The following ANKRD46 variants were observed in gnomAD, a reference collection of about 807,000 sequenced individuals.
ANKRD46 encodes the protein ankyrin repeat domain-containing protein 46.
ANKRD46 carries 13 observed loss-of-function variants against 19.8 expected under a neutral mutation model. The ratio of observed to expected loss-of-function variants is 0.66; its 90% CI spans 0.43 to 1.04. The LOEUF (loss-of-function observed/expected upper bound fraction) is 1.04. Among genes scored for constraint, ANKRD46 ranks in the 50% least tolerant of loss-of-function variants. ANKRD46 has a pLI of 0.00. For synonymous variants in ANKRD46, 91 were observed against 106.9 expected (o/e 0.85, Z 0.92); for missense variants, 185 against 274.8 (o/e 0.67, Z 2.31).
At chr8:100,518,961 T>G (rs1811679175), downstream of ANKRD46, among the ~76,000 whole-genome samples, 1 of 152,244 alleles carries the variant, frequency 6.6e-6, no homozygotes, top group Non-Finnish European at 1.5e-5. Flanking sequence ...TTGTTTGTTT[T>G]CTAAACACAC....
At position 100,557,158 on chromosome 8, in the gene ANKRD46, G is replaced by C. The variant is rs1812519070; in HGVS notation, c.-131+2553C>G. ...CTTCCCAAATTTCTATTTCCAGTTG[G>C]ACCTTTCTCTTCAACTCCCGTCTCT... On this transcript the variant is annotated intron_variant, in intron 1 of 4. Coordinates refer to ENST00000335659, the MANE Select transcript of ANKRD46 (RefSeq NM_001270377.2). This position sits in a 1 kb window ranked among gnomAD's most constrained non-coding sequence, Gnocchi z 5.9. 6.6e-6 allele frequency among the ~76,000 whole-genome samples: 1 copy of C among 152,072 alleles called. No individual in the cohort carries two copies. Among genetic ancestry groups the C allele is most frequent in the South Asian group, 2.1e-4 (1 of 4,826 alleles).
intron 5 of ANKRD46, among the ~76,000 whole-genome samples, chr8:100,515,365 G>C (rs1300740323): frequency 6.6e-6 from 1 of 152,084 alleles, no homozygotes; most frequent in African/African-American, 2.4e-5. Context: ...GCTTTACAGA[G>C]AAAGTGCATT....
chr8:100,515,539 G>C (rs1811615926), intron 5 of ANKRD46, among the ~76,000 whole-genome samples: 1 of 151,980 alleles, frequency 6.6e-6, no homozygotes, highest in African/African-American at 2.4e-5. Context: ...GAAAAGATCA[G>C]TCTGTATTTG....
In ANKRD46 at chr8:100,521,987, A is replaced by G; in HGVS notation, c.*568T>C. 4.1e-6 allele frequency: 4 copies of G among 984,430 alleles called. No individual in the cohort carries two copies. The highest frequency in any genetic ancestry group is 4.8e-6 in the Non-Finnish European group (4 of 828,988). 61.0% of individuals were successfully genotyped at this position (984,430 alleles called of 1,614,324 possible). On this transcript the variant is annotated 3_prime_UTR_variant, in exon 5 of 5. Coordinates refer to ENST00000335659, the MANE Select transcript of ANKRD46 (RefSeq NM_001270377.2). ...GAACAAAATATAGCTCATTTTCAAA[A>G]GTTTTGTTTGGTTTGTGACTAGACT...
At chr8:100,523,255 T>C (rs1811771222) in intron 4 of ANKRD46, among the ~76,000 whole-genome samples, 2 of 152,084 alleles carry the variant, frequency 1.3e-5, no homozygotes, top group Non-Finnish European at 2.9e-5. Flanking sequence ...CTTGTTATGT[T>C]AAATTTAGAA....
chr8:100,539,121 T>C (rs924226787), intron 1 of ANKRD46, among the ~76,000 whole-genome samples: 1 of 152,368 alleles, frequency 6.6e-6, no homozygotes, highest in African/African-American at 2.4e-5. Flanking sequence ...CTTTCTTTGC[T>C]CACTGCAAAA....
At position 100,550,278 on chromosome 8, in the gene ANKRD46, T is replaced by TA. The variant is rs1812357723; in HGVS notation, c.-131+9432dup. Among the ~76,000 whole-genome samples, 1 of 152,232 alleles carries TA rather than the reference T, an allele frequency of 6.6e-6. No homozygotes were observed. Among genetic ancestry groups the TA allele is most frequent in the African/African-American group, 2.4e-5 (1 of 41,466 alleles). On this transcript the variant is annotated intron_variant, in intron 1 of 4. Transcript: ENST00000335659. The surrounding 1 kb of genome is among the most constrained non-coding windows in gnomAD (Gnocchi z 4.4). ...TAGCTGTACCATTTGGCATTCCCAC[T>TA]AGCAATGAATAAGAGTTCCTGTTAA...
Position 100,521,499 on chromosome 8 carries a change from T to C in ANKRD46, c.*1056A>G. The C allele has an allele frequency of 2.0e-6, 2 of 985,462 alleles. No homozygotes were observed. The highest frequency in any genetic ancestry group is 2.4e-6 in the Non-Finnish European group (2 of 829,940). 61.0% of individuals were successfully genotyped at this position (985,462 alleles called of 1,614,324 possible). A position where few individuals can be genotyped will look rare whatever the true frequency, so the allele number is the denominator to read the frequency against. ...ATTTCAATTTACATAATATTACCAT[T>C]CATAAAGAGTTTATGACACCCAGTA... On this transcript the variant is annotated 3_prime_UTR_variant, in exon 5 of 5. Coordinates refer to ENST00000335659, the MANE Select transcript of ANKRD46 (RefSeq NM_001270377.2).
At position 100,521,363 on chromosome 8, in the gene ANKRD46, C is replaced by T. The variant is rs1332117202; in HGVS notation, c.*1192G>A. The stretch of plus-strand genomic sequence containing the variant: ...TTTACCCAATAAATAATTATCAAGC[C>T]TTCATATTCTTTTTTAACCACTCAA... On this transcript the variant is annotated 3_prime_UTR_variant, in exon 5 of 5. Transcript: ENST00000335659. 8.1e-6 allele frequency: 8 copies of T among 985,104 alleles called. No individual in the cohort carries two copies. The highest frequency in any genetic ancestry group is 9.6e-6 in the Non-Finnish European group (8 of 829,876). 61.0% of individuals were successfully genotyped at this position (985,104 alleles called of 1,614,324 possible). A position where few individuals can be genotyped will look rare whatever the true frequency, so the allele number is the denominator to read the frequency against.
chr8:100,528,517 CTTTTTTT>C (rs775087189), intron 3 of ANKRD46, among the ~76,000 whole-genome samples: 2 of 126,408 alleles, frequency 1.6e-5, no homozygotes, highest in Admixed American at 8.0e-5. Context: ...CCTTGTTTTT[CTTTTTTT>C]TTTTTTTTTT....
chr8:100,525,360 C>A lies in ANKRD46; in HGVS notation c.470+2485G>T, dbSNP rs1445509492. ...AACCATCTCTTCTAATTCCAGTACACTTTCAGCACCTCTATAAGAAACTCT... is the reference window on the plus strand; with the variant it reads ...AACCATCTCTTCTAATTCCAGTACAATTTCAGCACCTCTATAAGAAACTCT... On this transcript the variant is annotated intron_variant, in intron 4 of 4. Transcript: ENST00000335659. This position sits in a 1 kb window ranked among gnomAD's most constrained non-coding sequence, Gnocchi z 4.4. 6.6e-6 allele frequency among the ~76,000 whole-genome samples: 1 copy of A among 152,232 alleles called. No individual in the cohort carries two copies. Among genetic ancestry groups the A allele is most frequent in the East Asian group, 1.9e-4 (1 of 5,200 alleles).
chr8:100,543,377 G>C lies in ANKRD46; in HGVS notation c.-130-10066C>G, dbSNP rs1040665082. Among the ~76,000 whole-genome samples the C allele has an allele frequency of 1.3e-5, 2 of 152,056 alleles. No homozygotes were observed. The highest frequency in any genetic ancestry group is 4.8e-5 in the African/African-American group (2 of 41,396). On this transcript the variant is annotated intron_variant, in intron 1 of 4. Coordinates refer to ENST00000335659, the MANE Select transcript of ANKRD46 (RefSeq NM_001270377.2). The surrounding 1 kb of genome is among the most constrained non-coding windows in gnomAD (Gnocchi z 4.2). ...CTATAACAAATACTAAGGAAACTGG[G>C]AATAAAATGGTAAATTTCTTTATAT...
chr8:100,556,997 T>C (rs914206424), intron 1 of ANKRD46: 1 of 152,164 alleles, frequency 6.6e-6, no homozygotes, highest in African/African-American at 2.4e-5. Context: ...TCTTTTGGCT[T>C]TCCTGGGCCA....
chr8:100,552,462 GT>G (rs1162462677), intron 1 of ANKRD46, among the ~76,000 whole-genome samples: 1 of 151,470 alleles, frequency 6.6e-6, no homozygotes, highest in African/African-American at 2.4e-5. Flanking sequence ...TCAACTATGT[GT>G]TTTTAATTTC....
Position 100,510,478 on chromosome 8 carries a change from G to C in ANKRD46, c.*99C>G. 5.1e-6 allele frequency: 6 copies of C among 1,167,554 alleles called. No individual in the cohort carries two copies. The highest frequency in any genetic ancestry group is 1.5e-5 in the African/African-American group (1 of 64,896). 72.3% of individuals were successfully genotyped at this position (1,167,554 alleles called of 1,614,324 possible). On this transcript the variant is annotated 3_prime_UTR_variant, in exon 6 of 6. Coordinates refer to the ANKRD46 transcript ENST00000520552. This position sits in a 1 kb window ranked among gnomAD's most constrained non-coding sequence, Gnocchi z 4.9. ...TTTGAGATGATGCTCCATGACACAA[G>C]TCGTGACGGAAACAGCCCCACCCAA...
chr8:100,519,341 T>A (rs1433527853), downstream of ANKRD46, among the ~76,000 whole-genome samples: 1 of 152,152 alleles, frequency 6.6e-6, no homozygotes, highest in East Asian at 1.9e-4. Context: ...GGATGTGATG[T>A]CTAAAAATTC....
exon 6 of ANKRD46, chr8:100,509,999 T>C (rs1305695591): frequency 6.6e-6 from 1 of 152,382 alleles, no homozygotes; most frequent in African/African-American, 2.4e-5. Context: ...CCGGTGGCCA[T>C]GGGTGGGAGT....
chr8:100,520,741 T>TAAAAAAAAAAAAAAAAAA (rs5893523), downstream of ANKRD46: 21 of 677,882 alleles, frequency 3.1e-5, no homozygotes, highest in African/African-American at 1.4e-4. Flanking sequence ...TATAATACAC[T>TAAAAAAAAAAAAAAAAAA]AAAAAAAAAA....
Position 100,550,927 on chromosome 8 carries a change from C to A in ANKRD46, c.-131+8784G>T. The A allele has an allele frequency of 3.3e-6, 2 of 601,560 alleles. No homozygotes were observed. Among genetic ancestry groups the A allele is most frequent in the Non-Finnish European group, 3.1e-6 (1 of 325,294 alleles). The allele number at this position is 601,560 out of a possible 1,614,324, so 37.3% of individuals were successfully genotyped here. A position where few individuals can be genotyped will look rare whatever the true frequency, so the allele number is the denominator to read the frequency against. ...AAGATGCCCTTGAGGGGCCCTCTGA[C>A]GCCTGCTTCACCACCTTTTTGATGT... is the stretch of plus-strand genomic sequence containing the variant. On this transcript the variant is annotated intron_variant, in intron 1 of 4. Coordinates refer to ENST00000335659, the MANE Select transcript of ANKRD46 (RefSeq NM_001270377.2). This position sits in a 1 kb window ranked among gnomAD's most constrained non-coding sequence, Gnocchi z 4.4.
Sources: allele counts gnomAD v4.1 joint callset (sites outside exome capture counted in the v4.1 genomes callset), GRCh38; gene constraint gnomAD v4.1.1; non-coding constraint Gnocchi (gnomAD v3.1); transcripts MANE v1.5; gene names NCBI Gene and HGNC (gene_info 2026-07-23, HGNC 2026-07-21).